The following EIF2AK1 variants were observed in gnomAD, a reference collection of about 807,000 sequenced individuals.
The protein encoded by EIF2AK1 is eukaryotic translation initiation factor 2-alpha kinase 1.
A neutral mutation model predicts 77.9 loss-of-function variants in EIF2AK1; 54 were observed. The observed-to-expected ratio is 0.69, with a 90% CI of 0.56 to 0.87. The LOEUF (loss-of-function observed/expected upper bound fraction) is 0.87. Ranked by LOEUF, EIF2AK1 falls within the 40% of genes least tolerant of loss-of-function variation. The probability of loss-of-function intolerance (pLI) is 0.00; values close to 1 mark genes in which losing one functional copy is unlikely to be tolerated. For synonymous variants in EIF2AK1, 314 were observed against 290.5 expected, an observed-to-expected ratio of 1.08 and a Z score of -0.82; for missense variants, 810 against 768.6, an observed-to-expected ratio of 1.05 and a Z score of -0.64.
rs776485374 is a variant in EIF2AK1 at position 6,047,003 on chromosome 7, T to C, written c.538A>G (p.Arg180Gly). ...ACGTGGAAGACAACCTTGTATACTC[T>C]TCCGTATCCACCTTTTCCTAAGATG... ...LAILGKGGYG[R>G]VYKVRNKLDG... The change falls in exon 5 of 15, where the codon AGA becomes GGA. Residue 180 changes from arginine (R) to glycine (G), a missense_variant. This residue lies in a region of EIF2AK1 where 15 missense variants were observed against 35.9 expected (regional missense o/e 0.42). Coordinates refer to ENST00000199389, the MANE Select transcript of EIF2AK1 (RefSeq NM_014413.4). 6.2e-7 allele frequency: 1 copy of C among 1,612,580 alleles called. No homozygotes were observed. The highest frequency in any genetic ancestry group is 1.1e-5 in the South Asian group (1 of 90,988).
At chr7:6,039,892 A>T (rs951076131) in intron 9 of EIF2AK1, among the ~76,000 whole-genome samples, 51 of 150,968 alleles carry the variant, frequency 3.4e-4, no homozygotes, top group Non-Finnish European at 6.9e-4. Context: ...AGCCGAGATC[A>T]TGCCACTGTA....
In EIF2AK1 at chr7:6,024,111, T is replaced by C. The variant is rs1277211666; in HGVS notation, c.*562A>G. Reference sequence around the variant, plus strand: ...CAAGGGTGTGGTTTTGGAATGACGCTAAACTGAAGGTGGAGAGAACAGATA... The same window carrying C: ...CAAGGGTGTGGTTTTGGAATGACGCCAAACTGAAGGTGGAGAGAACAGATA... On this transcript the variant is annotated 3_prime_UTR_variant, in exon 15 of 15. Coordinates refer to ENST00000199389, the MANE Select transcript of EIF2AK1 (RefSeq NM_014413.4). 1 of 1,297,072 alleles carries C rather than the reference T, an allele frequency of 7.7e-7. No homozygotes were observed. Among genetic ancestry groups the C allele is most frequent in the Non-Finnish European group, 1.0e-6 (1 of 994,512 alleles). 80.3% of individuals were successfully genotyped at this position (1,297,072 alleles called of 1,614,324 possible).
At chr7:6,053,484 C>A (rs943512947) in intron 2 of EIF2AK1, among the ~76,000 whole-genome samples, 2 of 152,028 alleles carry the variant, frequency 1.3e-5, no homozygotes, top group African/African-American at 4.8e-5. Context: ...GCCTCAGCCT[C>A]CCAAATTACA....
At chr7:6,028,859 A>C in intron 12 of EIF2AK1, 59 bp downstream of exon 12, 2 of 1,487,872 alleles carry the variant, frequency 1.3e-6, no homozygotes, top group Admixed American at 1.9e-5. Flanking sequence ...TTAAATACTA[A>C]CATGTGCAAC....
intron 7 of EIF2AK1, among the ~76,000 whole-genome samples, chr7:6,044,332 G>A (rs553579235): frequency 9.2e-5 from 14 of 151,810 alleles, no homozygotes; most frequent in South Asian, 8.3e-4. Context: ...TTAGCTGGCC[G>A]TGGTGGCGGG....
intron 4 of EIF2AK1, 70 bp from the exon 5 acceptor site, chr7:6,047,161 T>C (rs1788470537): frequency 7.0e-7 from 1 of 1,432,640 alleles, no homozygotes; most frequent in Admixed American, 1.7e-5. Flanking sequence ...TACCTCATGC[T>C]CACAGGATTA....
At chr7:6,054,745 AC>A in intron 1 of EIF2AK1, 41 bp from the exon 2 acceptor site, 1 of 1,555,138 alleles carries the variant, frequency 6.4e-7, no homozygotes, top group South Asian at 1.1e-5. Flanking sequence ...TTAATGGTAA[AC>A]CTGTCTCATA....
intron 6 of EIF2AK1, 56 bp from the exon 7 acceptor site, chr7:6,044,717 T>C: frequency 6.7e-7 from 1 of 1,484,370 alleles, no homozygotes. Context: ...TAAATGTTTA[T>C]GCAATACTTC....
At position 6,030,279 on chromosome 7, in the gene EIF2AK1, C is replaced by T. The variant is rs140485590; in HGVS notation, c.1333-1247G>A. 2.6e-4 allele frequency among the ~76,000 whole-genome samples: 39 copies of T among 152,228 alleles called. No homozygotes were observed. In the East Asian group the frequency reaches 7.3e-3, roughly 29 times the overall value. The stretch of plus-strand genomic sequence containing the variant: ...GGGATAATGCAACTTAGGCGACGTC[C>T]GGGAAGATCGTAACCCTGTAGTCCT... On this transcript the variant is annotated intron_variant, in intron 11 of 14. Transcript: ENST00000199389.
intron 1 of EIF2AK1, among the ~76,000 whole-genome samples, chr7:6,057,777 G>T (rs772836242): frequency 6.6e-6 from 1 of 151,906 alleles, no homozygotes; most frequent in African/African-American, 2.4e-5. Context: ...GATTACAGGC[G>T]ACCGCCACCA....
intron 1 of EIF2AK1, chr7:6,058,049 T>A (rs1428945857): frequency 1.4e-5 from 6 of 430,848 alleles, no homozygotes; most frequent in Non-Finnish European, 2.8e-5. Flanking sequence ...AGTCAATGTT[T>A]TAAGCATCTC....
chr7:6,023,057 C>CA lies in EIF2AK1; in HGVS notation c.*1615_*1616insT. The CA allele has an allele frequency of 1.5e-5, 7 of 468,486 alleles. No individual in the cohort carries two copies. The highest frequency in any genetic ancestry group is 3.3e-5 in the South Asian group (1 of 30,268). The allele number at this position is 468,486 out of a possible 1,614,324, so 29.0% of individuals were successfully genotyped here. On this transcript the variant is annotated 3_prime_UTR_variant, in exon 15 of 15. Transcript: ENST00000199389. ...GCAGGTGGTCTGAGGTCCCTTCTAG[C>CA]TTCAGAAGTGTCATAATCAAATACC...
intron 14 of EIF2AK1, chr7:6,026,503 T>C (rs1423498119): frequency 8.8e-6 from 6 of 684,106 alleles, no homozygotes; most frequent in Non-Finnish European, 1.6e-5. Flanking sequence ...ATACCTCCTG[T>C]GCCTGCTGAG....
rs1788276495 is a variant in EIF2AK1, at chr7:6,040,874, T to C, written c.1119+18A>G. On this transcript the variant is annotated intron_variant, in intron 9 of 14. Transcript: ENST00000199389. ...ACCAATACTGGCCAAATTAGGAGGG[T>C]CTGGGAAAGTAATCTACCTCTGTCT... The C allele has an allele frequency of 3.1e-6, 5 of 1,605,478 alleles. No individual in the cohort carries two copies. The highest frequency in any genetic ancestry group is 4.3e-6 in the Non-Finnish European group (5 of 1,173,016).
chr7:6,043,075 T>C, intron 7 of EIF2AK1, 82 bp from the exon 8 acceptor site: 1 of 1,348,026 alleles, frequency 7.4e-7, no homozygotes, highest in Non-Finnish European at 1.1e-6. Flanking sequence ...AATATACAAA[T>C]AGTGTCAAAT....
At chr7:6,039,121 C>T (rs530414649) in intron 9 of EIF2AK1, among the ~76,000 whole-genome samples, 2 of 152,232 alleles carry the variant, frequency 1.3e-5, no homozygotes, top group South Asian at 2.1e-4. Context: ...TCTGGCTTCA[C>T]GTTGTACATA....
intron 10 of EIF2AK1, 140 bp from the exon 11 acceptor site, chr7:6,037,664 A>C: frequency 1.5e-6 from 1 of 665,116 alleles, no homozygotes; most frequent in Non-Finnish European, 2.6e-6. Context: ...AATGCTGCAG[A>C]ATGGTCTAAA....
chr7:6,028,932 T>C lies in EIF2AK1; in HGVS notation c.1433A>G (p.Asn478Ser). The C allele has an allele frequency of 6.3e-7, 1 of 1,599,282 alleles. No individual in the cohort carries two copies. The highest frequency in any genetic ancestry group is 8.5e-7 in the Non-Finnish European group (1 of 1,176,642). ...CAAAAACTTACTCTTCCCGTTTCTG[T>C]TGGTCCAGTCTGTGTTCTTCTGTAG... ...DILQKNTDWTNRNGKRTPTHT... is the reference protein window; with the variant it reads ...DILQKNTDWTSRNGKRTPTHT... Residue 478 changes from asparagine (N) to serine (S), a missense_variant, in exon 12 of 15, where the codon AAC becomes AGC. This residue lies in a region of EIF2AK1 where 549 missense variants were observed against 533.7 expected (regional missense o/e 1.03). Transcript: ENST00000199389.
intron 7 of EIF2AK1, among the ~76,000 whole-genome samples, chr7:6,043,963 G>C (rs1016066205): frequency 6.6e-6 from 1 of 151,586 alleles, no homozygotes; most frequent in Non-Finnish European, 1.5e-5. Flanking sequence ...GCCAGGCGTG[G>C]CGGCACACAC....
Sources: allele counts gnomAD v4.1 joint callset (sites outside exome capture counted in the v4.1 genomes callset), GRCh38; gene constraint gnomAD v4.1.1; regional missense constraint gnomAD v4.1.1; transcripts MANE v1.5; gene names NCBI Gene and HGNC (gene_info 2026-07-23, HGNC 2026-07-21).